VPS13B: variants seen among roughly 807,000 people sequenced by gnomAD.
The protein encoded by VPS13B is vacuolar protein sorting 13 homolog B.
A neutral mutation model predicts 426.4 loss-of-function variants in VPS13B; 285 were observed. The observed-to-expected ratio is 0.67, with a 90% CI of 0.61 to 0.74. The LOEUF (loss-of-function observed/expected upper bound fraction) is 0.74, where lower values mean the gene tolerates loss of function less well. VPS13B is among the 30% of genes least tolerant of loss of function. The pLI, the probability that VPS13B is intolerant of heterozygous loss-of-function variation, is 0.00. For synonymous variants in VPS13B, 1,676 were observed against 1,676.4 expected (o/e 1.00, Z 0.01); for missense variants, 4,537 against 4,782.6 (o/e 0.95, Z 1.51).
At chr8:99,592,236 T>C (rs1484599839) in intron 33 of VPS13B, among the ~76,000 whole-genome samples, 2 of 152,088 alleles carry the variant, frequency 1.3e-5, no homozygotes, top group Non-Finnish European at 1.5e-5. Context: ...TCAAGGTTTT[T>C]AGCTTCCTTG....
intron 17 of VPS13B, among the ~76,000 whole-genome samples, chr8:99,210,914 A>C (rs910341249): frequency 1.3e-5 from 2 of 152,072 alleles, no homozygotes; most frequent in Non-Finnish European, 2.9e-5. Context: ...AAAAATATTT[A>C]ATGTTTAACT....
intron 30 of VPS13B, among the ~76,000 whole-genome samples, 158 bp from the exon 31 acceptor site, chr8:99,556,292 T>C (rs910548176): frequency 3.3e-5 from 5 of 152,136 alleles, no homozygotes; most frequent in African/African-American, 1.2e-4. Context: ...ATGTACTAAC[T>C]TTCTGAAACC....
At chr8:99,510,600 T>G (rs1014946460) in intron 28 of VPS13B, among the ~76,000 whole-genome samples, 1 of 152,198 alleles carries the variant, frequency 6.6e-6, no homozygotes, top group Non-Finnish European at 1.5e-5. Context: ...CCTCCCGGGT[T>G]GAAGCGATTC....
intron 25 of VPS13B, among the ~76,000 whole-genome samples, chr8:99,486,418 G>A (rs190740610): frequency 2.0e-4 from 31 of 152,064 alleles, no homozygotes; most frequent in African/African-American, 7.0e-4. Flanking sequence ...TAGAGATGGG[G>A]TTTCACCATG....
intron 58 of VPS13B, among the ~76,000 whole-genome samples, chr8:99,867,598 A>C (rs7840626): frequency 6.6e-6 from 1 of 151,976 alleles, no homozygotes; most frequent in African/African-American, 2.4e-5. Context: ...CTGTACACTT[A>C]ACAGCTGTGT....
Position 99,349,389 on chromosome 8 carries a change from C to G in VPS13B, c.2825-34819C>G, listed in dbSNP as rs143607051. ...CATGCTTTTTCTTTCTTTTACTACT[C>G]AGACTAATAGTTTCTTATTGGAGGT... On this transcript the variant is annotated intron_variant, in intron 19 of 61. Coordinates refer to ENST00000357162, the MANE Select transcript of VPS13B (RefSeq NM_152564.5). 3.1e-3 allele frequency among the ~76,000 whole-genome samples: 456 copies of G among 145,248 alleles called. 3 individuals are homozygous for G. Among genetic ancestry groups the G allele is most frequent in the African/African-American group, 0.01 (411 of 39,864 alleles).
chr8:99,531,012 T>G (rs1177256734), intron 30 of VPS13B, among the ~76,000 whole-genome samples: 4 of 152,230 alleles, frequency 2.6e-5, no homozygotes, highest in African/African-American at 9.6e-5. Context: ...AAGTTTCAAA[T>G]TTATATTCCA....
At chr8:99,404,310 A>AT (rs924120886) in intron 21 of VPS13B, among the ~76,000 whole-genome samples, 17 of 151,698 alleles carry the variant, frequency 1.1e-4, no homozygotes, top group Admixed American at 2.6e-4. Context: ...AATTCAACCA[A>AT]TTTTTTTTTA....
intron 39 of VPS13B, among the ~76,000 whole-genome samples, chr8:99,742,302 A>G (rs1809780583): frequency 6.6e-6 from 1 of 152,238 alleles, no homozygotes; most frequent in Non-Finnish European, 1.5e-5. Context: ...GAATAGACCA[A>G]TAACAGGCTC....
intron 28 of VPS13B, chr8:99,507,684 T>C: frequency 2.5e-6 from 4 of 1,584,722 alleles, no homozygotes; most frequent in Non-Finnish European, 3.4e-6. Flanking sequence ...TTGAGGAGAA[T>C]TTAAAACTAT....
intron 19 of VPS13B, among the ~76,000 whole-genome samples, chr8:99,359,138 G>C (rs1812353417): frequency 6.6e-6 from 1 of 151,898 alleles, no homozygotes; most frequent in South Asian, 2.1e-4. Context: ...ATTTTTTCTT[G>C]TTTGCTGTCA....
chr8:99,133,822 A>C (rs1197753971), intron 8 of VPS13B, among the ~76,000 whole-genome samples: 1 of 152,200 alleles, frequency 6.6e-6, no homozygotes, highest in African/African-American at 2.4e-5. Flanking sequence ...CAATAGTACT[A>C]TCAAAGATAA....
intron 39 of VPS13B, among the ~76,000 whole-genome samples, chr8:99,764,523 C>T (rs1368309134): frequency 2.7e-5 from 4 of 149,674 alleles, no homozygotes; most frequent in Admixed American, 6.7e-5. Flanking sequence ...AAGCAATTCT[C>T]CTGTCTCAGC....
intron 35 of VPS13B, among the ~76,000 whole-genome samples, chr8:99,671,182 C>A (rs771729208): frequency 5.9e-5 from 9 of 152,132 alleles, no homozygotes; most frequent in Non-Finnish European, 5.9e-5. Flanking sequence ...GCCATTCTAG[C>A]AGGAATGATG....
In VPS13B at chr8:99,745,299, G is replaced by T. The variant is rs1321994612; in HGVS notation, c.7051-21475G>T. 2.6e-5 allele frequency among the ~76,000 whole-genome samples: 4 copies of T among 151,814 alleles called. No homozygotes were observed. In the South Asian group the frequency reaches 8.4e-4, roughly 32 times the overall value. ...TTCAAACTGAGACTTCTATCATTCA[G>T]TCAATTTTAGTTGAAAAAAATTCTG... On this transcript the variant is annotated intron_variant, in intron 39 of 61. Coordinates refer to ENST00000357162, the MANE Select transcript of VPS13B (RefSeq NM_152564.5).
At chr8:99,427,972 A>G (rs1308444210) in intron 21 of VPS13B, among the ~76,000 whole-genome samples, 1 of 152,182 alleles carries the variant, frequency 6.6e-6, no homozygotes, top group African/African-American at 2.4e-5. Context: ...GAGCCCTCAG[A>G]AATAATGCAG....
Position 99,502,914 on chromosome 8 carries a change from A to G in VPS13B, c.4121A>G (p.Lys1374Arg), listed in dbSNP as rs748331172. The G allele has an allele frequency of 3.1e-6, 5 of 1,612,706 alleles. No homozygotes were observed. Among genetic ancestry groups the G allele is most frequent in the Non-Finnish European group, 4.2e-6 (5 of 1,179,040 alleles). ...GATGTATATACCAAAGTGAAATGTA[A>G]AATAGAGAGTTTCAATATTGATCAC... ...VQDVYTKVKC[K>R]IESFNIDHYR... Residue 1374 changes from lysine to arginine, a missense_variant, in exon 27 of 62, where the codon AAA (lysine) becomes AGA (arginine). Physicochemically the swap from Lys to Arg is conservative, Grantham distance 26. Transcript: ENST00000357162.
intron 23 of VPS13B, among the ~76,000 whole-genome samples, chr8:99,452,364 T>C (rs1818240698): frequency 6.6e-6 from 1 of 152,192 alleles, no homozygotes; most frequent in South Asian, 2.1e-4. Flanking sequence ...TTTACAAACT[T>C]TATCCTAATT....
chr8:99,808,527 A>C (rs2130783462), intron 43 of VPS13B, among the ~76,000 whole-genome samples: 1 of 151,848 alleles, frequency 6.6e-6, no homozygotes, highest in South Asian at 2.1e-4. Flanking sequence ...AAAAAAAAAA[A>C]AGTCAGTTGT....
Sources: gnomAD v4.1 joint callset for allele counts (sites outside exome capture counted in the v4.1 genomes callset) on GRCh38, gnomAD v4.1.1 for gene constraint, MANE v1.5 for transcripts, NCBI Gene and HGNC (gene_info 2026-07-23, HGNC 2026-07-21) for gene names.